Variants in MET observed in about 807,000 individuals in gnomAD.
MET encodes the protein MET proto-oncogene, receptor tyrosine kinase.
In MET, 48 loss-of-function variants were observed where a neutral mutation model predicts 133.1. The ratio of observed to expected loss-of-function variants is 0.36; its 90% CI spans 0.29 to 0.46. The LOEUF (loss-of-function observed/expected upper bound fraction) is 0.46. Among genes scored for constraint, MET ranks in the 20% least tolerant of loss-of-function variants. MET has a pLI of 1.00. For synonymous variants in MET, 628 were observed against 616.5 expected, an observed-to-expected ratio of 1.02 and a Z score of -0.28; for missense variants, 1,442 against 1,695.9, an observed-to-expected ratio of 0.85 and a Z score of 2.63.
chr7:116,688,134 A>G (rs537728288), intron 1 of MET, among the ~76,000 whole-genome samples: 9 of 152,342 alleles, frequency 5.9e-5, no homozygotes, highest in Non-Finnish European at 1.0e-4. Flanking sequence ...TTCCTCTCCA[A>G]CTTGTCTCCC....
At chr7:116,777,183 C>G (rs1405405272) in intron 15 of MET, among the ~76,000 whole-genome samples, 2 of 152,100 alleles carry the variant, frequency 1.3e-5, no homozygotes, top group African/African-American at 4.8e-5. Flanking sequence ...TTGCTTATAT[C>G]CTTGGGTGAA....
At chr7:116,787,722 G>A (rs1380329809) in intron 19 of MET, among the ~76,000 whole-genome samples, 2 of 152,156 alleles carry the variant, frequency 1.3e-5, no homozygotes, top group Non-Finnish European at 2.9e-5. Flanking sequence ...CATGAACTTT[G>A]GGGGACACAT....
intron 2 of MET, among the ~76,000 whole-genome samples, chr7:116,716,559 A>G (rs564001592): frequency 3.6e-4 from 55 of 152,278 alleles, no homozygotes; most frequent in African/African-American, 1.3e-3. Flanking sequence ...AATAAAGGAA[A>G]GACTCAAAGA....
At chr7:116,719,552 G>A (rs1440010692) in intron 2 of MET, among the ~76,000 whole-genome samples, 1 of 152,150 alleles carries the variant, frequency 6.6e-6, no homozygotes, top group Non-Finnish European at 1.5e-5. Flanking sequence ...TTTTGGACAT[G>A]AAGTCCTTGC....
intron 2 of MET, among the ~76,000 whole-genome samples, chr7:116,731,041 T>G (rs1448034553): frequency 3.3e-5 from 5 of 152,222 alleles, no homozygotes; most frequent in Non-Finnish European, 5.9e-5. Flanking sequence ...AGGTAAGTAC[T>G]ATTTTTTTAG....
intron 2 of MET, among the ~76,000 whole-genome samples, chr7:116,730,527 G>A (rs1792963330): frequency 6.6e-6 from 1 of 152,204 alleles, no homozygotes; most frequent in Non-Finnish European, 1.5e-5. Flanking sequence ...GGTGGGTCTA[G>A]TTAAGAAGCC....
intron 2 of MET, among the ~76,000 whole-genome samples, chr7:116,713,252 G>A (rs980602576): frequency 1.3e-5 from 2 of 152,066 alleles, no homozygotes; most frequent in African/African-American, 4.8e-5. Context: ...AAAATTAGCC[G>A]GGGGTAATGG....
chr7:116,718,194 C>G (rs1047573355), intron 2 of MET, among the ~76,000 whole-genome samples: 8 of 152,080 alleles, frequency 5.3e-5, no homozygotes, highest in South Asian at 2.1e-4. Flanking sequence ...CAAGACCAAC[C>G]TGGCCAAAAT....
At position 116,771,624 on chromosome 7, in the gene MET, C is replaced by T. The variant is rs2116992959; in HGVS notation, c.2857C>T (p.Leu953=). ...TALLLLLGFF[L]WLKKRKQIKD... ...ACTGTTATTACTACTTGGGTTTTTC[C>T]TGTGGCTGAAAAAGAGAAAGCAAAT... Residue 953 remains leucine (L), a synonymous_variant, in exon 13 of 21, where the codon CTG becomes TTG. Transcript: ENST00000397752. 3 of 1,613,842 alleles carry T rather than the reference C, an allele frequency of 1.9e-6. No individual in the cohort carries two copies. Among genetic ancestry groups the T allele is most frequent in the Non-Finnish European group, 2.5e-6 (3 of 1,179,796 alleles).
intron 5 of MET, among the ~76,000 whole-genome samples, chr7:116,741,580 T>C (rs1416957972): frequency 6.6e-6 from 1 of 152,188 alleles, no homozygotes; most frequent in Non-Finnish European, 1.5e-5. Context: ...GCATAGATGG[T>C]GGCCTTGTCT....
intron 1 of MET, chr7:116,695,752 T>G (rs537793579): frequency 4.1e-5 from 20 of 489,830 alleles, no homozygotes; most frequent in South Asian, 3.1e-4. Context: ...CTTCACAGGG[T>G]GGTGATGAAG....
Position 116,699,664 on chromosome 7 carries a change from A to C in MET, c.580A>C (p.Asn194His). Residue 194 changes from asparagine (N) to histidine (H), a missense_variant, in exon 2 of 21, where the codon AAC becomes CAC. Asn to His is a moderately conservative substitution (Grantham distance 68). This residue lies in a region of MET where 762 missense variants were observed against 792.4 expected (regional missense o/e 0.96). Transcript: ENST00000397752. Reference sequence around the variant, plus strand: ...TTCATCTGTAAAGGACCGGTTCATCAACTTCTTTGTAGGCAATACCATAAA... The same window carrying C: ...TTCATCTGTAAAGGACCGGTTCATCCACTTCTTTGTAGGCAATACCATAAA... ...VLSSVKDRFI[N>H]FFVGNTINSS... 6.2e-7 allele frequency: 1 copy of C among 1,614,044 alleles called. No homozygotes were observed. The highest frequency in any genetic ancestry group is 1.1e-5 in the South Asian group (1 of 91,080).
intron 3 of MET, among the ~76,000 whole-genome samples, chr7:116,735,219 C>T (rs1219732643): frequency 1.3e-5 from 2 of 152,132 alleles, no homozygotes; most frequent in African/African-American, 4.8e-5. Flanking sequence ...TCCCGCATGC[C>T]CCTTTCGCCT....
At chr7:116,792,861 G>T (rs1194151800) in intron 19 of MET, among the ~76,000 whole-genome samples, 1 of 152,080 alleles carries the variant, frequency 6.6e-6, no homozygotes, top group Non-Finnish European at 1.5e-5. Flanking sequence ...TTACATCACA[G>T]GATTGTAACC....
rs1793421740 is a variant in MET, at chr7:116,740,919, C to T, written c.1595C>T (p.Ala532Val). ...CAGTCCTGCAGTCAATGCCTCTCTG[C>T]CCCACCCTTTGTTCAGTGTGGCTGG... is the stretch of plus-strand genomic sequence containing the variant. ...HFQSCSQCLS[A>V]PPFVQCGWCH... The change falls in exon 5 of 21, where the codon GCC (alanine) becomes GTC (valine). Residue 532 changes from alanine (A) to valine (V), a missense_variant. By Grantham distance (64) the Ala-to-Val change is moderately conservative. Around this residue, in one of 6 missense-constraint regions of MET, gnomAD observed 762 missense variants for 792.4 expected, o/e 0.96. Coordinates refer to ENST00000397752, the MANE Select transcript of MET (RefSeq NM_000245.4). The T allele has an allele frequency of 1.2e-6, 2 of 1,614,184 alleles. No individual in the cohort carries two copies. Among genetic ancestry groups the T allele is most frequent in the Non-Finnish European group, 1.7e-6 (2 of 1,180,034 alleles).
intron 5 of MET, among the ~76,000 whole-genome samples, chr7:116,753,286 T>C (rs1471217530): frequency 6.6e-6 from 1 of 152,240 alleles, no homozygotes; most frequent in African/African-American, 2.4e-5. Context: ...TTACTGGTTC[T>C]TGAGTTGCCT....
At chr7:116,749,821 A>G (rs2064223049) in intron 5 of MET, among the ~76,000 whole-genome samples, 1 of 152,198 alleles carries the variant, frequency 6.6e-6, no homozygotes, top group Non-Finnish European at 1.5e-5. Context: ...AATAATAGAC[A>G]AACAGAGAGC....
At chr7:116,755,301 G>A (rs1794135825) in intron 5 of MET, 54 bp from the exon 6 acceptor site, 1 of 1,583,302 alleles carries the variant, frequency 6.3e-7, no homozygotes, top group Admixed American at 1.7e-5. Flanking sequence ...TTCCATATAT[G>A]TGAAAAATTA....
At position 116,783,398 on chromosome 7, in the gene MET, G is replaced by A. The variant is rs752351789; in HGVS notation, c.3727G>A (p.Ala1243Thr). Residue 1243 changes from alanine to threonine, a missense_variant, in exon 19 of 21, where the codon GCA (alanine) becomes ACA (threonine). Ala to Thr is a moderately conservative substitution (Grantham distance 58). Around this residue, in one of 6 missense-constraint regions of MET, gnomAD observed 38 missense variants for 40.6 expected, o/e 0.94. Transcript: ENST00000397752. ...CTATAGTGTACACAACAAAACAGGT[G>A]CAAAGCTGCCAGTGAAGTGGATGGC... ...EYYSVHNKTG[A>T]KLPVKWMALE... The A allele has an allele frequency of 3.1e-6, 5 of 1,614,170 alleles. No homozygotes were observed. The Admixed American group carries it at 6.7e-5, about 22-fold the overall frequency.
Sources: gnomAD v4.1 joint callset for allele counts (sites outside exome capture counted in the v4.1 genomes callset) on GRCh38, gnomAD v4.1.1 for gene constraint, gnomAD v4.1.1 regional missense constraint, MANE v1.5 for transcripts, NCBI Gene and HGNC (gene_info 2026-07-23, HGNC 2026-07-21) for gene names.